Variants in ATP8B1 observed in about 807,000 individuals in gnomAD.
The protein encoded by ATP8B1 is phospholipid-transporting ATPase IC.
In ATP8B1, 80 loss-of-function variants were observed where a neutral mutation model predicts 149.9. The ratio of observed to expected loss-of-function variants is 0.53; its 90% CI spans 0.45 to 0.64. ATP8B1 has a LOEUF of 0.64. Among genes scored for constraint, ATP8B1 ranks in the 30% least tolerant of loss-of-function variants. The pLI, the probability that ATP8B1 is intolerant of heterozygous loss-of-function variation, is 0.00. For missense variants in ATP8B1, 1,247 were observed against 1,552.6 expected, an observed-to-expected ratio of 0.80 and a Z score of 3.31; for synonymous variants, 536 against 562.8, an observed-to-expected ratio of 0.95 and a Z score of 0.67.
At chr18:57,733,405 G>T (rs1017949509) in intron 1 of ATP8B1, among the ~76,000 whole-genome samples, 2 of 152,066 alleles carry the variant, frequency 1.3e-5, no homozygotes, top group Non-Finnish European at 2.9e-5. Flanking sequence ...TTTGCACAAT[G>T]ATTATTAAAA....
intron 1 of ATP8B1, among the ~76,000 whole-genome samples, chr18:57,757,692 T>A (rs987919679): frequency 1.3e-5 from 2 of 152,184 alleles, no homozygotes; most frequent in African/African-American, 2.4e-5. Flanking sequence ...GAACCCTGGC[T>A]CTCCAAAACA....
At chr18:57,656,943 G>C (rs1408764243) in intron 22 of ATP8B1, among the ~76,000 whole-genome samples, 1 of 151,876 alleles carries the variant, frequency 6.6e-6, no homozygotes, top group Non-Finnish European at 1.5e-5. Context: ...CTGAGGCCTG[G>C]CTTCTTCTTG....
At chr18:57,650,866 CAT>C (rs752343717) in intron 26 of ATP8B1, among the ~76,000 whole-genome samples, 18 of 152,006 alleles carry the variant, frequency 1.2e-4, no homozygotes, top group Admixed American at 4.6e-4. Flanking sequence ...AAAAAAAGAA[CAT>C]AGTTAATATT....
chr18:57,652,305 C>A, intron 25 of ATP8B1, 133 bp from the exon 26 acceptor site: 4 of 1,443,082 alleles, frequency 2.8e-6, no homozygotes, highest in Non-Finnish European at 1.9e-6. Flanking sequence ...AGAAACTAAA[C>A]CATCCTTGAC....
At chr18:57,653,288 T>C (rs1909755230) in intron 24 of ATP8B1, among the ~76,000 whole-genome samples, 1 of 147,496 alleles carries the variant, frequency 6.8e-6, no homozygotes, top group Admixed American at 6.8e-5. Flanking sequence ...TTTTCTTTTT[T>C]TTTTTTTTTT....
intron 11 of ATP8B1, among the ~76,000 whole-genome samples, chr18:57,692,409 A>AGAAG: frequency 6.8e-6 from 1 of 146,476 alleles, no homozygotes; most frequent in East Asian, 2.0e-4. Flanking sequence ...GAATGCTTAT[A>AGAAG]GAAGATATTC....
At position 57,701,063 on chromosome 18, in the gene ATP8B1, G is replaced by A. The variant is rs369011228; in HGVS notation, c.530C>T (p.Thr177Met). 114 of 1,614,064 alleles carry A rather than the reference G, an allele frequency of 7.1e-5. 1 individual carries two copies. The Middle Eastern group carries it at 1.2e-3, about 16-fold the overall frequency. ...HKMDKEINNRTCEVIKDGRFK... is the reference protein window; with the variant it reads ...HKMDKEINNRMCEVIKDGRFK... Reference sequence around the variant, plus strand: ...CCTGCCATCCTTAATGACTTCACACGTCCTATTGTTGATTTCCTTATCCAT... The same window carrying A: ...CCTGCCATCCTTAATGACTTCACACATCCTATTGTTGATTTCCTTATCCAT... The change falls in exon 6 of 28, where the codon ACG becomes ATG. Residue 177 changes from threonine (T) to methionine (M), a missense_variant. This residue lies in a region of ATP8B1 where 853 missense variants were observed against 1,035.7 expected (regional missense o/e 0.82). Coordinates refer to ENST00000648908, the MANE Select transcript of ATP8B1 (RefSeq NM_001374385.1).
At chr18:57,714,916 T>A (rs1260099592) in intron 2 of ATP8B1, among the ~76,000 whole-genome samples, 1 of 152,034 alleles carries the variant, frequency 6.6e-6, no homozygotes, top group Non-Finnish European at 1.5e-5. Flanking sequence ...ATCAAGAACA[T>A]CCAGGAAAAC....
intron 1 of ATP8B1, among the ~76,000 whole-genome samples, chr18:57,745,276 ATTTT>A (rs967953908): frequency 6.8e-6 from 1 of 146,940 alleles, no homozygotes; most frequent in Non-Finnish European, 1.5e-5. Context: ...ACTGAAACAA[ATTTT>A]TTTTTTTTTG....
At chr18:57,668,697 C>A (rs1002966150) in intron 18 of ATP8B1, 157 bp from the exon 19 acceptor site, 2 of 579,198 alleles carry the variant, frequency 3.5e-6, no homozygotes, top group Middle Eastern at 4.6e-4. Context: ...GGGAAGGCTG[C>A]CATGTTTCAC....
At chr18:57,688,184 A>C in intron 13 of ATP8B1, 115 bp downstream of exon 13, 1 of 1,150,740 alleles carries the variant, frequency 8.7e-7, no homozygotes, top group Non-Finnish European at 1.3e-6. Flanking sequence ...TAGCAGCAGG[A>C]CTCTGCATCG....
rs1715808894 is a variant in ATP8B1 at position 57,646,873 on chromosome 18, A to C, written c.*1615T>G. ...TTCACAGCCCAATGGTAAAAAACAG[A>C]ATTCTCGAACTATGGAAACTAGTGT... On this transcript the variant is annotated 3_prime_UTR_variant, in exon 28 of 28. Transcript: ENST00000648908. The C allele has an allele frequency of 6.6e-6, 1 of 152,622 alleles. No homozygotes were observed. The highest frequency in any genetic ancestry group is 1.5e-5 in the Non-Finnish European group (1 of 68,048). 9.5% of individuals were successfully genotyped at this position (152,622 alleles called of 1,614,324 possible).
intron 10 of ATP8B1, 63 bp downstream of exon 10, chr18:57,695,108 G>A: frequency 6.9e-7 from 1 of 1,448,912 alleles, no homozygotes; most frequent in Non-Finnish European, 9.4e-7. Context: ...GGACAGAAAA[G>A]CAATCCCCTC....
intron 16 of ATP8B1, among the ~76,000 whole-genome samples, 155 bp from the exon 17 acceptor site, chr18:57,671,735 A>G (rs1374977021): frequency 6.6e-6 from 1 of 151,796 alleles, no homozygotes; most frequent in Non-Finnish European, 1.5e-5. Flanking sequence ...CAATCCTCCC[A>G]TCTCAGCCTC....
At chr18:57,730,802 C>CATATATATATAT (rs927338067) in intron 2 of ATP8B1, among the ~76,000 whole-genome samples, 16 of 11,056 alleles carry the variant, frequency 1.4e-3, no homozygotes, top group African/African-American at 3.0e-3. Flanking sequence ...AGACCATATA[C>CATATATATATAT]ATATATATAT....
chr18:57,789,930 A>G (rs983541620), intron 1 of ATP8B1, among the ~76,000 whole-genome samples: 7 of 152,218 alleles, frequency 4.6e-5, no homozygotes, highest in Admixed American at 2.6e-4. Context: ...TGCAATTCCC[A>G]AAACTGTGTC....
At chr18:57,661,711 ATATTTTT>A (rs1361054841) in intron 21 of ATP8B1, among the ~76,000 whole-genome samples, 3 of 91,528 alleles carry the variant, frequency 3.3e-5, no homozygotes, top group Admixed American at 1.4e-4. Flanking sequence ...ATATATATAT[ATATTTTT>A]TTTTTTTTTT....
chr18:57,657,585 A>G (rs967724486), intron 22 of ATP8B1, among the ~76,000 whole-genome samples: 7 of 152,248 alleles, frequency 4.6e-5, no homozygotes, highest in African/African-American at 1.4e-4. Flanking sequence ...TTTCAGTAAC[A>G]CTTCTAAAAA....
chr18:57,766,389 C>T (rs1225010335), intron 1 of ATP8B1, among the ~76,000 whole-genome samples: 1 of 152,002 alleles, frequency 6.6e-6, no homozygotes, highest in African/African-American at 2.4e-5. Context: ...AAACTGATTT[C>T]AACTAAAAAA....
Sources: gnomAD v4.1 joint callset for allele counts (sites outside exome capture counted in the v4.1 genomes callset) on GRCh38, gnomAD v4.1.1 for gene constraint, gnomAD v4.1.1 regional missense constraint, MANE v1.5 for transcripts, NCBI Gene and HGNC (gene_info 2026-07-23, HGNC 2026-07-21) for gene names.